DDX46: variants seen among roughly 807,000 people sequenced by gnomAD.
DDX46 encodes the protein probable ATP-dependent RNA helicase DDX46.
DDX46 carries 30 observed loss-of-function variants against 134.9 expected under a neutral mutation model. That is an observed-to-expected ratio of 0.22 (90% CI 0.17 to 0.30). The LOEUF (loss-of-function observed/expected upper bound fraction) is 0.30, where lower values mean the gene tolerates loss of function less well. Ranked by LOEUF, DDX46 falls within the 10% of genes least tolerant of loss-of-function variation. The pLI, the probability that DDX46 is intolerant of heterozygous loss-of-function variation, is 1.00. For missense variants in DDX46, 622 were observed against 1,248.7 expected, an observed-to-expected ratio of 0.50 and a Z score of 7.56; for synonymous variants, 415 against 404.1, an observed-to-expected ratio of 1.03 and a Z score of -0.32.
intron 6 of DDX46, among the ~76,000 whole-genome samples, chr5:134,778,375 C>T (rs896898277): frequency 2.0e-5 from 3 of 151,966 alleles, no homozygotes; most frequent in Non-Finnish European, 2.9e-5. Flanking sequence ...TTTTTCATAG[C>T]ATTTATTACA....
intron 2 of DDX46, among the ~76,000 whole-genome samples, chr5:134,764,563 G>A (rs557125943): frequency 6.6e-6 from 1 of 152,120 alleles, no homozygotes; most frequent in Non-Finnish European, 1.5e-5. Context: ...GATTACATGT[G>A]TGAGCCACCG....
In DDX46 at chr5:134,823,192, C is replaced by T. The variant is rs577088950; in HGVS notation, c.2978-3755C>T. ...TTTTTTTTTTTTTGACATGGAGTCT[C>T]GCTCTGTCGCCAGGCTGGAGTGCAA... On this transcript the variant is annotated intron_variant, in intron 21 of 22. Coordinates refer to ENST00000452510, the MANE Select transcript of DDX46 (RefSeq NM_001300860.2). Among the ~76,000 whole-genome samples, 32 of 131,154 alleles carry T rather than the reference C, an allele frequency of 2.4e-4. No homozygotes were observed. The South Asian group carries it at 3.7e-3, about 15-fold the overall frequency. 86.0% of individuals were successfully genotyped at this position (131,154 alleles called of 152,430 possible).
intron 22 of DDX46, among the ~76,000 whole-genome samples, chr5:134,828,217 C>A (rs1755641630): frequency 1.3e-5 from 2 of 151,226 alleles, no homozygotes; most frequent in Admixed American, 1.3e-4. Context: ...GAGAGCTTTT[C>A]TAAAATTCCC....
intron 15 of DDX46, among the ~76,000 whole-genome samples, chr5:134,806,685 G>T (rs1368705622): frequency 6.6e-6 from 1 of 152,018 alleles, no homozygotes; most frequent in Non-Finnish European, 1.5e-5. Context: ...AATTAATATT[G>T]GTAATTATTT....
chr5:134,795,201 C>CTTA (rs1301651132), intron 14 of DDX46, among the ~76,000 whole-genome samples, 187 bp downstream of exon 14: 31 of 138,082 alleles, frequency 2.2e-4, no homozygotes, highest in East Asian at 1.8e-3. Flanking sequence ...ATTTAAAATG[C>CTTA]TTGTTTTTTT....
At chr5:134,807,471 C>T (rs535074162) in intron 15 of DDX46, among the ~76,000 whole-genome samples, 1 of 152,218 alleles carries the variant, frequency 6.6e-6, no homozygotes, top group East Asian at 1.9e-4. Context: ...CTCGCTTTGG[C>T]TCCCAAACAG....
chr5:134,769,236 A>G (rs1200596637), intron 3 of DDX46, among the ~76,000 whole-genome samples: 2 of 149,964 alleles, frequency 1.3e-5, no homozygotes, highest in African/African-American at 4.9e-5. Flanking sequence ...TGTATGTAGT[A>G]TGTTCAGTTT....
chr5:134,804,732 A>T (rs1381457403), intron 15 of DDX46: 3 of 253,978 alleles, frequency 1.2e-5, no homozygotes, highest in Non-Finnish European at 2.4e-5. Flanking sequence ...TGTCATTGCT[A>T]TTTTTTTTAG....
chr5:134,761,442 A>G (rs1036445713), intron 1 of DDX46, among the ~76,000 whole-genome samples: 5 of 152,326 alleles, frequency 3.3e-5, no homozygotes, highest in African/African-American at 1.2e-4. Context: ...AGGGAAGGGT[A>G]ACAAGTTTGG....
chr5:134,780,583 TAAA>T (rs1754118638), intron 6 of DDX46, among the ~76,000 whole-genome samples: 1 of 148,264 alleles, frequency 6.7e-6, no homozygotes, highest in Admixed American at 6.8e-5. Flanking sequence ...AATAAATAAA[TAAA>T]TAAATAAATA....
rs910411462 is a variant in DDX46, at chr5:134,830,374, A to G, written c.*1668A>G. The G allele has an allele frequency of 3.9e-5, 6 of 152,162 alleles. No homozygotes were observed. The highest frequency in any genetic ancestry group is 8.8e-5 in the Non-Finnish European group (6 of 68,020). 9.4% of individuals were successfully genotyped at this position (152,162 alleles called of 1,614,324 possible). ...TTTCATATAAGAGGCTTGAACATCC[A>G]TGGATTTTGGTATAGAGGAGGGGTT... On this transcript the variant is annotated 3_prime_UTR_variant, in exon 23 of 23. Transcript: ENST00000452510.
rs978167409 is a variant in DDX46, at chr5:134,819,107, A to C, written c.2977+103A>C. 6.4e-6 allele frequency: 8 copies of C among 1,246,304 alleles called. No individual in the cohort carries two copies. In the African/African-American group the frequency reaches 1.2e-4, roughly 19 times the overall value. The allele number at this position is 1,246,304 out of a possible 1,614,324, so 77.2% of individuals were successfully genotyped here. ...GAGGTCAATTCTAGAGAGAACTGAA[A>C]GTAAGAAACACCTCTGAAAACAAAA... On this transcript the variant is annotated intron_variant, in intron 21 of 22. Transcript: ENST00000452510.
rs565905381 is a variant in DDX46 at position 134,820,869 on chromosome 5, T to C, written c.2977+1865T>C. ...GTAATCTTTTCTTTTCTTTTCTTTT[T>C]TTTTTTTTTTTTTTGAGACAAAGTC... is the stretch of plus-strand genomic sequence containing the variant. On this transcript the variant is annotated intron_variant, in intron 21 of 22. Coordinates refer to ENST00000452510, the MANE Select transcript of DDX46 (RefSeq NM_001300860.2). Among the ~76,000 whole-genome samples, 538 of 146,202 alleles carry C rather than the reference T, an allele frequency of 3.7e-3. 6 individuals carry two copies. The highest frequency in any genetic ancestry group is 5.5e-3 in the South Asian group (26 of 4,724).
intron 21 of DDX46, among the ~76,000 whole-genome samples, chr5:134,825,503 AT>A (rs752770982): frequency 6.6e-6 from 1 of 152,148 alleles, no homozygotes; most frequent in Non-Finnish European, 1.5e-5. Context: ...CATTTCTAAT[AT>A]GGGGGGAAAT....
chr5:134,795,995 T>C lies in DDX46; in HGVS notation c.1799T>C (p.Ile600Thr). ...ACAATATGGTGTTTTCAGATTGTGA[T>C]TGAAGAAGAAAAGAAATTCTTGAAG... ...CSDVEQQVIV[I>T]EEEKKFLKLL... Residue 600 changes from isoleucine to threonine, a missense_variant, in exon 15 of 23, where the codon ATT (isoleucine) becomes ACT (threonine). Ile to Thr is a moderately conservative substitution (Grantham distance 89, BLOSUM62 -1). This residue lies in a region of DDX46 where 209 missense variants were observed against 508.4 expected (regional missense o/e 0.41). Coordinates refer to ENST00000452510, the MANE Select transcript of DDX46 (RefSeq NM_001300860.2). 6.2e-7 allele frequency: 1 copy of C among 1,612,994 alleles called. No homozygotes were observed.
At chr5:134,815,663 C>T (rs966918785) in intron 18 of DDX46, among the ~76,000 whole-genome samples, 2 of 134,710 alleles carry the variant, frequency 1.5e-5, no homozygotes, top group Admixed American at 8.3e-5. Flanking sequence ...GCTGAGATGG[C>T]GCCATTGCAC....
At position 134,810,016 on chromosome 5, in the gene DDX46, G is replaced by GAAAC. The variant is rs569777275; in HGVS notation, c.2149-1193_2149-1190dup. On this transcript the variant is annotated intron_variant, in intron 16 of 22. Coordinates refer to ENST00000452510, the MANE Select transcript of DDX46 (RefSeq NM_001300860.2). ...CAGCAGGAGCAAAACTCTTGTCTCAGAAACAAACAAACAAAAAATCGCAAC... is the reference window on the plus strand; with the variant it reads ...CAGCAGGAGCAAAACTCTTGTCTCAGAAACAAACAAACAAACAAAAAATCGCAAC... Among the ~76,000 whole-genome samples the GAAAC allele has an allele frequency of 4.6e-3, 703 of 152,196 alleles. 6 individuals are homozygous for GAAAC. Among genetic ancestry groups the GAAAC allele is most frequent in the Middle Eastern group, 0.01 (3 of 294 alleles).
intron 11 of DDX46, among the ~76,000 whole-genome samples, chr5:134,785,895 C>T (rs1238817289): frequency 6.6e-6 from 1 of 151,600 alleles, no homozygotes; most frequent in African/African-American, 2.4e-5. Flanking sequence ...GTCACACAGG[C>T]TGGAGTACAG....
intron 14 of DDX46, 72 bp downstream of exon 14, chr5:134,795,086 C>G: frequency 6.4e-7 from 1 of 1,553,842 alleles, no homozygotes; most frequent in Non-Finnish European, 8.7e-7. Flanking sequence ...TCTATGATCA[C>G]TGTTTGTGAG....
Sources: allele counts gnomAD v4.1 joint callset (sites outside exome capture counted in the v4.1 genomes callset), GRCh38; gene constraint gnomAD v4.1.1; regional missense constraint gnomAD v4.1.1; transcripts MANE v1.5; gene names NCBI Gene and HGNC (gene_info 2026-07-23, HGNC 2026-07-21).